Variants in CDH13 observed in about 807,000 individuals in gnomAD.
CDH13 encodes cadherin 13, also known as cadherin-13.
In CDH13, 24 loss-of-function variants were observed where a neutral mutation model predicts 63.8. The observed-to-expected ratio is 0.38, with a 90% CI of 0.27 to 0.53. CDH13 has a LOEUF of 0.53. Ranked by LOEUF, CDH13 falls within the 20% of genes least tolerant of loss-of-function variation. The probability of loss-of-function intolerance (pLI) is 0.85; values close to 1 mark genes in which losing one functional copy is unlikely to be tolerated. For missense variants in CDH13, 1,049 were observed against 903.1 expected, an observed-to-expected ratio of 1.16 and a Z score of -2.07; for synonymous variants, 503 against 355.3, an observed-to-expected ratio of 1.42 and a Z score of -4.67.
intron 3 of CDH13, among the ~76,000 whole-genome samples, chr16:83,044,963 C>T (rs1917644481): frequency 6.6e-6 from 1 of 152,072 alleles, no homozygotes; most frequent in Non-Finnish European, 1.5e-5. Context: ...ATGCTTCTAC[C>T]CTCCTATCTC....
chr16:83,005,752 C>A (rs1567736519), intron 2 of CDH13, among the ~76,000 whole-genome samples: 1 of 152,272 alleles, frequency 6.6e-6, no homozygotes, highest in South Asian at 2.1e-4. Context: ...GTTTCTTTTG[C>A]TTTGTTTTGT....
intron 6 of CDH13, among the ~76,000 whole-genome samples, chr16:83,390,116 T>A (rs2091757426): frequency 6.6e-6 from 1 of 152,136 alleles, no homozygotes; most frequent in Non-Finnish European, 1.5e-5. Flanking sequence ...TCAGTGGTAA[T>A]ACAAGAAACA....
intron 2 of CDH13, among the ~76,000 whole-genome samples, chr16:82,905,387 TAAGAAA>T (rs1382740489): frequency 6.6e-6 from 1 of 151,654 alleles, no homozygotes; most frequent in Non-Finnish European, 1.5e-5. Flanking sequence ...GAAGTTACCA[TAAGAAA>T]AAGAAAAACA....
chr16:82,858,453 A>C lies in CDH13; in HGVS notation c.137A>C (p.Glu46Ala), dbSNP rs2039794067. 6.2e-7 allele frequency: 1 copy of C among 1,609,318 alleles called. No individual in the cohort carries two copies. Among genetic ancestry groups the C allele is most frequent in the Non-Finnish European group, 8.5e-7 (1 of 1,175,668 alleles). Residue 46 changes from glutamate (E) to alanine (A), a missense_variant, in exon 2 of 14, where the codon GAG (glutamate) becomes GCG (alanine). Transcript: ENST00000567109. ...ATCAATCAGCCAGCTGAATTCATTG[A>C]GGACCAGTCAATTCTAAACTGTAAG... ...FHINQPAEFI[E>A]DQSILNLTFS...
At chr16:82,645,646 C>T (rs917441612) in intron 1 of CDH13, among the ~76,000 whole-genome samples, 6 of 152,148 alleles carry the variant, frequency 3.9e-5, no homozygotes, top group African/African-American at 1.4e-4. Context: ...ACTCACCCAG[C>T]ACACACAGGG....
At chr16:82,817,697 C>T (rs1244393551) in intron 1 of CDH13, among the ~76,000 whole-genome samples, 5 of 151,988 alleles carry the variant, frequency 3.3e-5, no homozygotes, top group African/African-American at 4.8e-5. Context: ...CCCAGCTACT[C>T]AGGAGGCTGA....
chr16:83,781,893 C>A (rs1196331304), intron 12 of CDH13, among the ~76,000 whole-genome samples: 3 of 150,708 alleles, frequency 2.0e-5, no homozygotes, highest in Non-Finnish European at 4.4e-5. Context: ...ATGTAACAAA[C>A]CTGCACATCC....
intron 1 of CDH13, among the ~76,000 whole-genome samples, chr16:82,739,214 G>A (rs906940506): frequency 1.4e-5 from 2 of 142,048 alleles, no homozygotes; most frequent in Non-Finnish European, 3.2e-5. Flanking sequence ...ATATTTTTTA[G>A]TAATTACATA....
intron 2 of CDH13, among the ~76,000 whole-genome samples, chr16:82,950,084 G>T (rs934377453): frequency 6.6e-6 from 1 of 152,104 alleles, no homozygotes. Flanking sequence ...AAACTGGGTG[G>T]CTTAAACAAA....
At chr16:83,134,799 C>T (rs909733577) in intron 4 of CDH13, among the ~76,000 whole-genome samples, 1 of 152,138 alleles carries the variant, frequency 6.6e-6, no homozygotes, top group South Asian at 2.1e-4. Context: ...AAAACATAAT[C>T]GGGTGGTTTT....
chr16:83,452,531 T>C (rs1567682189), intron 6 of CDH13, among the ~76,000 whole-genome samples: 1 of 152,196 alleles, frequency 6.6e-6, no homozygotes, highest in Non-Finnish European at 1.5e-5. Flanking sequence ...CGGTTCGTTT[T>C]GTGTTTGGTT....
At chr16:82,819,754 C>T (rs1179819723) in intron 1 of CDH13, among the ~76,000 whole-genome samples, 1 of 152,204 alleles carries the variant, frequency 6.6e-6, no homozygotes, top group African/African-American at 2.4e-5. Context: ...CTTTTCCAGG[C>T]AGTTTTTAGG....
At chr16:82,991,969 A>T (rs1911710689) in intron 2 of CDH13, among the ~76,000 whole-genome samples, 1 of 152,232 alleles carries the variant, frequency 6.6e-6, no homozygotes, top group Non-Finnish European at 1.5e-5. Flanking sequence ...AGGATCAATC[A>T]TGTCAAAAAT....
At chr16:82,902,878 T>C (rs140220959) in intron 2 of CDH13, among the ~76,000 whole-genome samples, 37 of 152,282 alleles carry the variant, frequency 2.4e-4, no homozygotes, top group African/African-American at 7.9e-4. Context: ...AGGTTGGAAA[T>C]ACTCATCAGT....
intron 2 of CDH13, among the ~76,000 whole-genome samples, chr16:82,877,794 TC>T (rs1309795192): frequency 4.5e-4 from 38 of 84,428 alleles, no homozygotes; most frequent in Admixed American, 1.2e-4. Context: ...CCACCTCTAT[TC>T]ATTTTTTTTT....
At chr16:83,308,122 C>T (rs76950968) in intron 5 of CDH13, among the ~76,000 whole-genome samples, 4,116 of 152,104 alleles carry the variant, frequency 0.027, 192 homozygotes, top group African/African-American at 0.094. Flanking sequence ...ATAAATATAC[C>T]TTAACACATT....
chr16:83,661,429 G>A (rs1913432470), intron 8 of CDH13, among the ~76,000 whole-genome samples: 1 of 150,254 alleles, frequency 6.7e-6, no homozygotes, highest in Non-Finnish European at 1.5e-5. Context: ...GCTGCAATGA[G>A]ACGCAGTCAC....
chr16:83,266,083 C>A (rs763505423), intron 5 of CDH13, among the ~76,000 whole-genome samples: 7 of 152,026 alleles, frequency 4.6e-5, no homozygotes, highest in African/African-American at 2.4e-5. Context: ...ATTACAGGCG[C>A]CTGCCACCAC....
Position 83,605,497 on chromosome 16 carries a change from G to A in CDH13, c.1101+2903G>A, listed in dbSNP as rs540806024. Among the ~76,000 whole-genome samples, 19 of 152,342 alleles carry A rather than the reference G, an allele frequency of 1.2e-4. No homozygotes were observed. In the East Asian group the frequency reaches 3.7e-3, roughly 29 times the overall value. ...CTGACCAGCCATGTGGTGGGAGCAT[G>A]TTAAGTGCTCTACATCCCAGTCTCT... On this transcript the variant is annotated intron_variant, in intron 8 of 13. Coordinates refer to ENST00000567109, the MANE Select transcript of CDH13 (RefSeq NM_001257.5).
Sources: gnomAD v4.1 joint callset for allele counts (sites outside exome capture counted in the v4.1 genomes callset) on GRCh38, gnomAD v4.1.1 for gene constraint, MANE v1.5 for transcripts, NCBI Gene and HGNC (gene_info 2026-07-23, HGNC 2026-07-21) for gene names.